LEF1: variants seen among roughly 807,000 people sequenced by gnomAD.
LEF1 encodes the protein lymphoid enhancer-binding factor 1.
A neutral mutation model predicts 51.2 loss-of-function variants in LEF1; 14 were observed. That is an observed-to-expected ratio of 0.27 (90% confidence interval 0.18 to 0.43). The LOEUF (loss-of-function observed/expected upper bound fraction) is 0.43. LEF1 is among the 20% of genes least tolerant of loss of function. The pLI, the probability that LEF1 is intolerant of heterozygous loss-of-function variation, is 1.00. For missense variants in LEF1, 386 were observed against 512.0 expected (o/e 0.75, Z 2.37); for synonymous variants, 185 against 183.2 (o/e 1.01, Z -0.08).
At chr4:108,064,492 C>A in intron 9 of LEF1, 108 bp from the exon 10 acceptor site, 2 of 731,990 alleles carry the variant, frequency 2.7e-6, no homozygotes, top group South Asian at 1.8e-5. Flanking sequence ...AAAGATGACT[C>A]ATTCTCTCTC....
intron 8 of LEF1, 80 bp from the exon 9 acceptor site, chr4:108,070,850 A>G: frequency 1.0e-6 from 1 of 965,520 alleles, no homozygotes; most frequent in Non-Finnish European, 1.6e-6. Context: ...AAATCAAAAA[A>G]TGAAAATATT....
intron 11 of LEF1, among the ~76,000 whole-genome samples, chr4:108,059,694 C>T (rs754149674): frequency 2.0e-5 from 3 of 152,026 alleles, no homozygotes; most frequent in South Asian, 2.1e-4. Context: ...CACACTCTGA[C>T]AGACTGGTTT....
At chr4:108,110,080 G>A (rs1741425612) in intron 3 of LEF1, among the ~76,000 whole-genome samples, 1 of 152,186 alleles carries the variant, frequency 6.6e-6, no homozygotes, top group Non-Finnish European at 1.5e-5. Context: ...GTTCTCTTCA[G>A]CAAGAGCACG....
At chr4:108,113,806 C>T (rs1304105938) in intron 3 of LEF1, among the ~76,000 whole-genome samples, 1 of 152,144 alleles carries the variant, frequency 6.6e-6, no homozygotes, top group African/African-American at 2.4e-5. Flanking sequence ...ATTTCTACTA[C>T]TCAGCTACCC....
At chr4:108,155,714 G>A (rs1052654288) in intron 3 of LEF1, among the ~76,000 whole-genome samples, 4 of 152,156 alleles carry the variant, frequency 2.6e-5, no homozygotes, top group African/African-American at 9.7e-5. Context: ...AGGTAGACAA[G>A]CCCGATATTA....
chr4:108,099,576 A>ATATATGTGTG (rs1740647073), intron 3 of LEF1, among the ~76,000 whole-genome samples: 2 of 39,550 alleles, frequency 5.1e-5, no homozygotes, highest in Non-Finnish European at 9.0e-5. Flanking sequence ...GTGTGTATAT[A>ATATATGTGTG]TATATATATA....
chr4:108,122,094 C>G lies in LEF1; in HGVS notation c.415-32837G>C, dbSNP rs370372764. Among the ~76,000 whole-genome samples the G allele has an allele frequency of 9.2e-5, 14 of 152,264 alleles. No homozygotes were observed. In the East Asian group the frequency reaches 1.4e-3, roughly 15 times the overall value. ...TTGTTGGATATAGCAGCTCATATAA[C>G]CCATTTGATCAATCTTAATGGTTGT... On this transcript the variant is annotated intron_variant, in intron 3 of 11. Coordinates refer to ENST00000265165, the MANE Select transcript of LEF1 (RefSeq NM_016269.5).
chr4:108,051,271 AAG>A (rs1491570208), intron 11 of LEF1, among the ~76,000 whole-genome samples: 1 of 152,178 alleles, frequency 6.6e-6, no homozygotes, highest in African/African-American at 2.4e-5. Flanking sequence ...AAAAAAAAAA[AAG>A]AGCAAAGAAA....
chr4:108,143,987 A>G (rs1743840186), intron 3 of LEF1, among the ~76,000 whole-genome samples: 1 of 152,070 alleles, frequency 6.6e-6, no homozygotes, highest in Non-Finnish European at 1.5e-5. Context: ...GAAGGGAAAA[A>G]TAATCTCTTG....
chr4:108,070,925 T>C (rs1738436939), intron 8 of LEF1, 155 bp from the exon 9 acceptor site: 3 of 601,662 alleles, frequency 5.0e-6, no homozygotes, highest in Non-Finnish European at 8.7e-6. Context: ...CGTAGAAATC[T>C]CCTTGGAGTC....
intron 8 of LEF1, among the ~76,000 whole-genome samples, chr4:108,073,126 C>T (rs1433186295): frequency 2.0e-5 from 3 of 152,192 alleles, no homozygotes; most frequent in Non-Finnish European, 4.4e-5. Context: ...TGGCTCATGC[C>T]TATAATCCCA....
intron 3 of LEF1, among the ~76,000 whole-genome samples, chr4:108,127,244 A>G (rs1724012875): frequency 6.6e-6 from 1 of 152,214 alleles, no homozygotes. Flanking sequence ...TGACAAGTTA[A>G]TTCTTTGGGT....
At chr4:108,097,329 C>A (rs905425968) in intron 3 of LEF1, among the ~76,000 whole-genome samples, 8 of 152,106 alleles carry the variant, frequency 5.3e-5, no homozygotes, top group Admixed American at 3.9e-4. Context: ...GTGAAATAAG[C>A]CAGGCACAGA....
chr4:108,080,901 C>T (rs1483753858), intron 6 of LEF1, among the ~76,000 whole-genome samples: 1 of 152,080 alleles, frequency 6.6e-6, no homozygotes, highest in African/African-American at 2.4e-5. Context: ...GATGATGCAC[C>T]CCAAATGTGT....
chr4:108,131,203 G>A (rs1437233082), intron 3 of LEF1, among the ~76,000 whole-genome samples: 1 of 151,952 alleles, frequency 6.6e-6, no homozygotes, highest in Admixed American at 6.5e-5. Context: ...GGAAGGCCAA[G>A]GTAGGAGGAT....
chr4:108,154,543 A>C (rs868229971), intron 3 of LEF1, among the ~76,000 whole-genome samples: 1 of 151,736 alleles, frequency 6.6e-6, no homozygotes, highest in Non-Finnish European at 1.5e-5. Flanking sequence ...TAATGTATGA[A>C]TACAAATAAG....
chr4:108,085,008 T>C (rs896986188), intron 4 of LEF1, among the ~76,000 whole-genome samples: 3 of 152,310 alleles, frequency 2.0e-5, no homozygotes, highest in South Asian at 2.1e-4. Context: ...ATCAGAAATG[T>C]AGTGAAAATT....
chr4:108,149,701 A>G (rs1744250717), intron 3 of LEF1, among the ~76,000 whole-genome samples: 1 of 150,972 alleles, frequency 6.6e-6, no homozygotes, highest in African/African-American at 2.4e-5. Flanking sequence ...AACTGATGAC[A>G]CAGACCTACA....
intron 3 of LEF1, among the ~76,000 whole-genome samples, chr4:108,107,911 T>G (rs991846789): frequency 3.3e-5 from 5 of 152,094 alleles, no homozygotes; most frequent in Admixed American, 1.3e-4. Context: ...CTTATACTGA[T>G]CTTCTAGATG....
Sources: allele counts gnomAD v4.1 joint callset (sites outside exome capture counted in the v4.1 genomes callset), GRCh38; gene constraint gnomAD v4.1.1; transcripts MANE v1.5; gene names NCBI Gene and HGNC (gene_info 2026-07-23, HGNC 2026-07-21).